The following CSMD3 variants were observed in gnomAD, a reference collection of about 807,000 sequenced individuals.
CSMD3 encodes CUB and sushi domain-containing protein 3.
CSMD3 carries 177 observed loss-of-function variants against 435.2 expected under a neutral mutation model. The observed-to-expected ratio is 0.41, with a 90% CI of 0.36 to 0.46. CSMD3 has a LOEUF of 0.46. Ranked by LOEUF, CSMD3 falls within the 20% of genes least tolerant of loss-of-function variation. The probability of loss-of-function intolerance (pLI) is 0.34; values close to 1 mark genes in which losing one functional copy is unlikely to be tolerated. For missense variants in CSMD3, 4,265 were observed against 4,504.6 expected, an observed-to-expected ratio of 0.95 and a Z score of 1.52; for synonymous variants, 1,656 against 1,520.5, an observed-to-expected ratio of 1.09 and a Z score of -2.07.
At chr8:113,428,105 C>G (rs988655777) in intron 1 of CSMD3, among the ~76,000 whole-genome samples, 1 of 151,508 alleles carries the variant, frequency 6.6e-6, no homozygotes, top group Non-Finnish European at 1.5e-5. Flanking sequence ...TCTTTTATAT[C>G]TATTGTACAG....
rs2130931446 is a variant in CSMD3 at position 112,975,844 on chromosome 8, A to T, written c.1335T>A (p.Thr445=). 1 of 1,613,194 alleles carries T rather than the reference A, an allele frequency of 6.2e-7. No homozygotes were observed. Among genetic ancestry groups the T allele is most frequent in the East Asian group, 2.2e-5 (1 of 44,868 alleles). ...IERTKELAVV[T]HRVKKAIDFK... is the part of the protein sequence containing the mutation. The stretch of plus-strand genomic sequence containing the variant: ...TAAAATAACATCCAATACCTCTATG[A>T]GTAACAACTGCAAGCTCTTTAGTTC... Residue 445 remains threonine (T), a synonymous_variant, in exon 7 of 71, where the codon ACT becomes ACA. Transcript: ENST00000297405.
intron 3 of CSMD3, among the ~76,000 whole-genome samples, chr8:113,255,021 T>C (rs2093367827): frequency 2.0e-5 from 3 of 152,162 alleles, no homozygotes; most frequent in Admixed American, 6.5e-5. Context: ...AGTAAAAGAA[T>C]GGAGGACAAT....
intron 5 of CSMD3, among the ~76,000 whole-genome samples, chr8:113,031,466 A>G (rs999235317): frequency 6.6e-6 from 1 of 151,664 alleles, no homozygotes; most frequent in Admixed American, 6.6e-5. Flanking sequence ...GAATGAAAAA[A>G]TTAAAGATAT....
At chr8:113,186,202 T>C (rs1198439558) in intron 3 of CSMD3, among the ~76,000 whole-genome samples, 1 of 151,970 alleles carries the variant, frequency 6.6e-6, no homozygotes, top group African/African-American at 2.4e-5. Context: ...CAAATTTCCA[T>C]AGGGCTGTGC....
At chr8:112,614,307 A>G (rs1833501984) in intron 22 of CSMD3, among the ~76,000 whole-genome samples, 1 of 152,054 alleles carries the variant, frequency 6.6e-6, no homozygotes, top group African/African-American at 2.4e-5. Context: ...TGCAACTTAG[A>G]GCCTGAATGA....
intron 6 of CSMD3, among the ~76,000 whole-genome samples, chr8:112,988,143 C>T (rs115978075): frequency 0.01 from 1,573 of 152,010 alleles, 22 homozygotes; most frequent in African/African-American, 0.036. Flanking sequence ...AGTCTAGTCG[C>T]TACAAAGGCC....
intron 4 of CSMD3, among the ~76,000 whole-genome samples, chr8:113,133,045 C>T (rs1029701804): frequency 6.6e-6 from 1 of 151,788 alleles, no homozygotes; most frequent in African/African-American, 2.4e-5. Context: ...AAATCAGAAG[C>T]AACAAAAGCA....
At chr8:113,104,093 G>C (rs149673395) in intron 4 of CSMD3, among the ~76,000 whole-genome samples, 1 of 152,098 alleles carries the variant, frequency 6.6e-6, no homozygotes, top group East Asian at 1.9e-4. Context: ...TTCCAATACT[G>C]ATCTCATACT....
chr8:113,415,664 C>T (rs954935731), intron 1 of CSMD3, among the ~76,000 whole-genome samples: 5 of 152,018 alleles, frequency 3.3e-5, no homozygotes, highest in Non-Finnish European at 5.9e-5. Context: ...AAATATAACA[C>T]ATTTCTATTT....
intron 2 of CSMD3, among the ~76,000 whole-genome samples, chr8:113,305,972 A>G (rs370987454): frequency 1.3e-5 from 2 of 152,174 alleles, no homozygotes; most frequent in East Asian, 3.8e-4. Context: ...AGAAAAATGC[A>G]TTTCTACACT....
intron 22 of CSMD3, among the ~76,000 whole-genome samples, chr8:112,622,404 A>G (rs1035600886): frequency 6.6e-6 from 1 of 152,308 alleles, no homozygotes; most frequent in South Asian, 2.1e-4. Flanking sequence ...AAGATGTTGT[A>G]AGATGTAAAC....
At chr8:112,295,365 C>T (rs1820161381) in intron 54 of CSMD3, among the ~76,000 whole-genome samples, 1 of 152,002 alleles carries the variant, frequency 6.6e-6, no homozygotes, top group Admixed American at 6.6e-5. Context: ...ATATATTCCC[C>T]ACTGTGCTTC....
intron 13 of CSMD3, among the ~76,000 whole-genome samples, chr8:112,750,841 AT>A (rs1354663457): frequency 2.0e-5 from 3 of 152,128 alleles, no homozygotes; most frequent in African/African-American, 7.2e-5. Context: ...AACAGCACAG[AT>A]TTGAACTGTT....
intron 5 of CSMD3, among the ~76,000 whole-genome samples, chr8:113,094,931 T>C (rs2090118505): frequency 6.6e-6 from 1 of 151,754 alleles, no homozygotes; most frequent in African/African-American, 2.4e-5. Context: ...ATTAGCCAGA[T>C]GTGGTGGCAC....
intron 30 of CSMD3, among the ~76,000 whole-genome samples, chr8:112,503,232 A>C (rs951628399): frequency 2.0e-5 from 3 of 151,974 alleles, no homozygotes; most frequent in African/African-American, 4.8e-5. Flanking sequence ...CAGACGTATG[A>C]CACCCCTCTT....
At chr8:112,597,227 TA>T in intron 22 of CSMD3, among the ~76,000 whole-genome samples, 1 of 151,866 alleles carries the variant, frequency 6.6e-6, no homozygotes, top group Non-Finnish European at 1.5e-5. Flanking sequence ...CATCAGAGAA[TA>T]CTACAAACAC....
intron 16 of CSMD3, among the ~76,000 whole-genome samples, chr8:112,668,769 G>C (rs1239840565): frequency 6.6e-6 from 1 of 151,758 alleles, no homozygotes; most frequent in Non-Finnish European, 1.5e-5. Context: ...ACCACCAAGA[G>C]GGGAGAGACA....
At chr8:112,452,286 A>T (rs1586371314) in intron 32 of CSMD3, among the ~76,000 whole-genome samples, 1 of 152,200 alleles carries the variant, frequency 6.6e-6, no homozygotes, top group African/African-American at 2.4e-5. Flanking sequence ...GTTGGTGGGG[A>T]CACATTTAAA....
chr8:112,818,825 G>C (rs1204498697), intron 12 of CSMD3, among the ~76,000 whole-genome samples: 6 of 152,098 alleles, frequency 3.9e-5, no homozygotes, highest in African/African-American at 1.2e-4. Context: ...TACAGAAACT[G>C]TGTGTTACCT....
Sources: gnomAD v4.1 joint callset for allele counts (sites outside exome capture counted in the v4.1 genomes callset) on GRCh38, gnomAD v4.1.1 for gene constraint, MANE v1.5 for transcripts, NCBI Gene and HGNC (gene_info 2026-07-23, HGNC 2026-07-21) for gene names.